RPS6KA1: variants seen among roughly 807,000 people sequenced by gnomAD.
RPS6KA1 encodes the protein ribosomal protein S6 kinase alpha-1.
RPS6KA1 carries 48 observed loss-of-function variants against 91.3 expected under a neutral mutation model. The observed-to-expected ratio is 0.53, with a 90% CI of 0.42 to 0.67. The LOEUF (loss-of-function observed/expected upper bound fraction) is 0.67. Among genes scored for constraint, RPS6KA1 ranks in the 30% least tolerant of loss-of-function variants. RPS6KA1 has a pLI of 0.00. For synonymous variants in RPS6KA1, 359 were observed against 384.7 expected (o/e 0.93, Z 0.78); for missense variants, 719 against 960.5 (o/e 0.75, Z 3.32).
At chr1:26,563,136 G>C (rs1378619933) in intron 17 of RPS6KA1, among the ~76,000 whole-genome samples, 1 of 151,788 alleles carries the variant, frequency 6.6e-6, no homozygotes, top group Non-Finnish European at 1.5e-5. Flanking sequence ...ACCACACCCG[G>C]CCCCCATTGT....
chr1:26,554,876 A>C lies in RPS6KA1; in HGVS notation c.756+138A>C. On this transcript the variant is annotated intron_variant, in intron 9 of 21. Coordinates refer to ENST00000374168, the MANE Select transcript of RPS6KA1 (RefSeq NM_002953.4). This position sits in a 1 kb window ranked among gnomAD's most constrained non-coding sequence, Gnocchi z 4.6. Reference sequence around the variant, plus strand: ...GCCAAGCTGGCCTCACCCTATATGCACCTGCAGTTTTCTTCCTTGGAAGGA... The same window carrying C: ...GCCAAGCTGGCCTCACCCTATATGCCCCTGCAGTTTTCTTCCTTGGAAGGA... 1 of 1,204,510 alleles carries C rather than the reference A, an allele frequency of 8.3e-7. No individual in the cohort carries two copies. Among genetic ancestry groups the C allele is most frequent in the Non-Finnish European group, 1.2e-6 (1 of 858,726 alleles). 74.6% of individuals were successfully genotyped at this position (1,204,510 alleles called of 1,614,324 possible). A position where few individuals can be genotyped will look rare whatever the true frequency, so the allele number is the denominator to read the frequency against.
Position 26,551,298 on chromosome 1 carries a change from C to A in RPS6KA1, c.308-99C>A, listed in dbSNP as rs1179135224. 2 of 1,048,984 alleles carry A rather than the reference C, an allele frequency of 1.9e-6. No individual in the cohort carries two copies. Among genetic ancestry groups the A allele is most frequent in the Non-Finnish European group, 2.9e-6 (2 of 681,550 alleles). 65.0% of individuals were successfully genotyped at this position (1,048,984 alleles called of 1,614,324 possible). ...GGTGAGGGGGCTTTGGGAGCTCAGG[C>A]CTGGAGGAACAAGTGGAAAAGAGAT... On this transcript the variant is annotated intron_variant, in intron 4 of 21. Coordinates refer to ENST00000374168, the MANE Select transcript of RPS6KA1 (RefSeq NM_002953.4). The surrounding 1 kb of genome is among the most constrained non-coding windows in gnomAD (Gnocchi z 4.5).
rs778554258 is a variant in RPS6KA1, at chr1:26,547,418, A to G, written c.307+148A>G. On this transcript the variant is annotated intron_variant, in intron 4 of 21. Transcript: ENST00000374168. The surrounding 1 kb of genome is among the most constrained non-coding windows in gnomAD (Gnocchi z 4.1). ...GGAGAAACAGGCCTATTTCTCAGCTATCCCTCGCCAGCCAATCCTCCTCCC... is the reference window on the plus strand; with the variant it reads ...GGAGAAACAGGCCTATTTCTCAGCTGTCCCTCGCCAGCCAATCCTCCTCCC... The G allele has an allele frequency of 7.8e-6, 5 of 644,474 alleles. No homozygotes were observed. Among genetic ancestry groups the G allele is most frequent in the East Asian group, 2.8e-5 (1 of 35,960 alleles). The allele number at this position is 644,474 out of a possible 1,614,324, so 39.9% of individuals were successfully genotyped here. A position where few individuals can be genotyped will look rare whatever the true frequency, so the allele number is the denominator to read the frequency against.
intron 2 of RPS6KA1, among the ~76,000 whole-genome samples, chr1:26,539,248 G>A (rs1314122970): frequency 6.6e-6 from 1 of 152,202 alleles, no homozygotes; most frequent in Non-Finnish European, 1.5e-5. Flanking sequence ...TGAGTTCAGG[G>A]CTGAGTGTGG....
Position 26,560,662 on chromosome 1 carries a change from TCCTGGGGGATGACC to T in RPS6KA1, c.1216-60_1216-47del. 4 of 1,608,070 alleles carry T rather than the reference TCCTGGGGGATGACC, an allele frequency of 2.5e-6. No homozygotes were observed. The South Asian group carries it at 4.4e-5, about 18-fold the overall frequency. On this transcript the variant is annotated intron_variant, in intron 14 of 21. Transcript: ENST00000374168. ...GTCTCTACTGAGCCAAGACCTTAGG[TCCTGGGGGATGACC>T]CCTAGCACTCTAGAGCCAGGGGTCA...
intron 7 of RPS6KA1, chr1:26,553,915 G>A (rs2076075760): frequency 2.9e-6 from 1 of 348,964 alleles, no homozygotes; most frequent in East Asian, 5.4e-5. Context: ...CCACCTACTA[G>A]CTAGACTTAC....
At position 26,551,566 on chromosome 1, in the gene RPS6KA1, AG is replaced by A; in HGVS notation, c.389-76del. 4 of 1,592,446 alleles carry A rather than the reference AG, an allele frequency of 2.5e-6. No individual in the cohort carries two copies. The highest frequency in any genetic ancestry group is 3.4e-6 in the Non-Finnish European group (4 of 1,160,398). ...TACACTGTCCCACCGCCTGCCTGGC[AG>A]GCCAAGGGAGCCAGGGCCGGAGAAG... is the stretch of plus-strand genomic sequence containing the variant. On this transcript the variant is annotated intron_variant, in intron 5 of 21. Transcript: ENST00000374168. The surrounding 1 kb of genome is among the most constrained non-coding windows in gnomAD (Gnocchi z 4.5).
Position 26,561,232 on chromosome 1 carries a change from A to G in RPS6KA1, c.1431+98A>G. On this transcript the variant is annotated intron_variant, in intron 16 of 21. Transcript: ENST00000374168. The surrounding 1 kb of genome is among the most constrained non-coding windows in gnomAD (Gnocchi z 5.7). ...TCCTTTGACTTCTCATCCTCTTTCC[A>G]GTGGTCATGTGGAGGGGAAGGAGGT... is the stretch of plus-strand genomic sequence containing the variant. 8.2e-7 allele frequency: 1 copy of G among 1,212,650 alleles called. No individual in the cohort carries two copies. The highest frequency in any genetic ancestry group is 1.2e-6 in the Non-Finnish European group (1 of 837,042). 75.1% of individuals were successfully genotyped at this position (1,212,650 alleles called of 1,614,324 possible). A position where few individuals can be genotyped will look rare whatever the true frequency, so the allele number is the denominator to read the frequency against.
rs2124648520 is a variant in RPS6KA1 at position 26,558,315 on chromosome 1, T to C, written c.1085-492T>C. Among the ~76,000 whole-genome samples, 1 of 152,222 alleles carries C rather than the reference T, an allele frequency of 6.6e-6. No individual in the cohort carries two copies. The highest frequency in any genetic ancestry group is 1.9e-4 in the East Asian group (1 of 5,170). ...AAGGGCTCAGAGACCCCTCTAAGGA[T>C]CTGAGAAGTCCAACATGGCTCAGCT... On this transcript the variant is annotated intron_variant, in intron 13 of 21. Transcript: ENST00000374168. The surrounding 1 kb of genome is among the most constrained non-coding windows in gnomAD (Gnocchi z 4.0).
rs2075911590 is a variant in RPS6KA1, at chr1:26,536,989, C to T, written c.108+20C>T. 2 of 1,613,898 alleles carry T rather than the reference C, an allele frequency of 1.2e-6. No homozygotes were observed. The highest frequency in any genetic ancestry group is 1.7e-6 in the Non-Finnish European group (2 of 1,179,766). On this transcript the variant is annotated intron_variant, in intron 2 of 21. Transcript: ENST00000374168. ...TCCAAGGTGAGGACCATGGCCAGCA[C>T]CCTGAGCGAGGGGCTGTGGGGGATC...
In RPS6KA1 at chr1:26,554,543, C is replaced by A; in HGVS notation, c.614-53C>A. 1.3e-6 allele frequency: 2 copies of A among 1,564,014 alleles called. No individual in the cohort carries two copies. The highest frequency in any genetic ancestry group is 1.7e-4 in the Middle Eastern group (1 of 5,828). On this transcript the variant is annotated intron_variant, in intron 8 of 21. Transcript: ENST00000374168. The surrounding 1 kb of genome is among the most constrained non-coding windows in gnomAD (Gnocchi z 4.6). ...CGGGGGTTGGGTGTGCAAAGGGTGG[C>A]AGCAAGGAAGGCAGGGGTCCTAAGG...
Position 26,555,483 on chromosome 1 carries a change from G to T in RPS6KA1, c.828-54G>T. On this transcript the variant is annotated intron_variant, in intron 10 of 21. Coordinates refer to ENST00000374168, the MANE Select transcript of RPS6KA1 (RefSeq NM_002953.4). This position sits in a 1 kb window ranked among gnomAD's most constrained non-coding sequence, Gnocchi z 4.3. ...CTAGATCTGGACAGGGGCCGGGGGA[G>T]ATGGGGCCTCTGGGGCAGGGCTCAG... 4 of 1,501,632 alleles carry T rather than the reference G, an allele frequency of 2.7e-6. No homozygotes were observed. Among genetic ancestry groups the T allele is most frequent in the Non-Finnish European group, 1.8e-6 (2 of 1,101,348 alleles). 93.0% of individuals were successfully genotyped at this position (1,501,632 alleles called of 1,614,324 possible). A position where few individuals can be genotyped will look rare whatever the true frequency, so the allele number is the denominator to read the frequency against.
chr1:26,535,865 C>A (rs1557488254), intron 1 of RPS6KA1, among the ~76,000 whole-genome samples: 1 of 152,042 alleles, frequency 6.6e-6, no homozygotes, highest in South Asian at 2.1e-4. Flanking sequence ...AATGGTGCCA[C>A]AGGGGCCAGG....
intron 13 of RPS6KA1, 95 bp downstream of exon 13, chr1:26,557,195 T>A: frequency 1.0e-6 from 1 of 961,304 alleles, no homozygotes; most frequent in Non-Finnish European, 1.6e-6. Context: ...TCAGGGACAC[T>A]GACAGGCCGA....
chr1:26,557,195 T>G (rs1456220273), intron 13 of RPS6KA1, 95 bp downstream of exon 13: 1 of 961,186 alleles, frequency 1.0e-6, no homozygotes, highest in Non-Finnish European at 1.6e-6. Flanking sequence ...TCAGGGACAC[T>G]GACAGGCCGA....
chr1:26,572,843 A>G (rs112938303), intron 20 of RPS6KA1, among the ~76,000 whole-genome samples: 324 of 152,194 alleles, frequency 2.1e-3, no homozygotes, highest in African/African-American at 7.2e-3. Context: ...GGTTATTCCT[A>G]TTTCTCAGCA....
At chr1:26,543,344 T>A in intron 2 of RPS6KA1, 1 of 750,404 alleles carries the variant, frequency 1.3e-6, no homozygotes, top group Non-Finnish European at 2.3e-6. Flanking sequence ...CCCCAGGGAG[T>A]GCTCTCAGTC....
At position 26,554,229 on chromosome 1, in the gene RPS6KA1, G is replaced by T; in HGVS notation, c.591G>T (p.Glu197Asp). Residue 197 changes from glutamate (E) to aspartate (D), a missense_variant, in exon 8 of 22, where the codon GAG becomes GAT. Glu to Asp is a conservative substitution (Grantham distance 45). Coordinates refer to ENST00000374168, the MANE Select transcript of RPS6KA1 (RefSeq NM_002953.4). This position sits in a 1 kb window ranked among gnomAD's most constrained non-coding sequence, Gnocchi z 4.6. Reference protein sequence around the residue: ...DLKPENILLDEEGHIKLTDFG... With the variant: ...DLKPENILLDDEGHIKLTDFG... ...TCTATTACAGCATCCTTCTGGATGA[G>T]GAGGGCCACATCAAACTCACTGGTG... 6.4e-7 allele frequency: 1 copy of T among 1,556,534 alleles called. No individual in the cohort carries two copies.
chr1:26,538,415 G>T (rs1382035473), intron 2 of RPS6KA1, among the ~76,000 whole-genome samples: 1 of 152,178 alleles, frequency 6.6e-6, no homozygotes, highest in Non-Finnish European at 1.5e-5. Flanking sequence ...GGAGCTTACT[G>T]GGAGATGGCA....
Sources: gnomAD v4.1 joint callset for allele counts (sites outside exome capture counted in the v4.1 genomes callset) on GRCh38, gnomAD v4.1.1 for gene constraint, Gnocchi (gnomAD v3.1) non-coding constraint, MANE v1.5 for transcripts, NCBI Gene and HGNC (gene_info 2026-07-23, HGNC 2026-07-21) for gene names.